The following DGKD variants were observed in gnomAD, a reference collection of about 807,000 sequenced individuals.
The protein encoded by DGKD is diacylglycerol kinase delta, also known as DAG kinase delta.
A neutral mutation model predicts 154.4 loss-of-function variants in DGKD; 68 were observed. The observed-to-expected ratio is 0.44, with a 90% CI of 0.36 to 0.54. DGKD has a LOEUF of 0.54. Among genes scored for constraint, DGKD ranks in the 20% least tolerant of loss-of-function variants. DGKD has a pLI of 0.00. For synonymous variants in DGKD, 693 were observed against 638.0 expected (o/e 1.09, Z -1.30); for missense variants, 1,343 against 1,593.6 (o/e 0.84, Z 2.68).
chr2:233,427,972 C>T (rs1232729082), intron 3 of DGKD, among the ~76,000 whole-genome samples: 1 of 152,192 alleles, frequency 6.6e-6, no homozygotes, highest in East Asian at 1.9e-4. Flanking sequence ...TGCTTTCTCG[C>T]CTGGGTCCTT....
At chr2:233,373,911 A>G (rs546550648) in intron 1 of DGKD, among the ~76,000 whole-genome samples, 1 of 152,344 alleles carries the variant, frequency 6.6e-6, no homozygotes, top group Non-Finnish European at 1.5e-5. Context: ...ATAGAATAAT[A>G]ATACACAAAG....
intron 3 of DGKD, among the ~76,000 whole-genome samples, chr2:233,421,450 A>G (rs980790907): frequency 2.6e-5 from 4 of 152,226 alleles, no homozygotes; most frequent in African/African-American, 9.6e-5. Flanking sequence ...CAATAAAGCA[A>G]CCAGAATGAT....
At chr2:233,428,545 C>T (rs995267842) in intron 3 of DGKD, among the ~76,000 whole-genome samples, 1 of 152,180 alleles carries the variant, frequency 6.6e-6, no homozygotes, top group African/African-American at 2.4e-5. Flanking sequence ...CAACTGGCAC[C>T]TCACAACAAC....
rs750914145 is a variant in DGKD at position 233,435,828 on chromosome 2, T to G, written c.597T>G (p.Phe199Leu). The change falls in exon 6 of 30, where the codon TTT becomes TTG. Residue 199 changes from phenylalanine to leucine, a missense_variant. By Grantham distance (22) the Phe-to-Leu change is conservative (BLOSUM62 0). Coordinates refer to ENST00000264057, the MANE Select transcript of DGKD (RefSeq NM_152879.3). Reference sequence around the variant, plus strand: ...CCCCTTCTCTCACAGTGTGCAAATTTAAGGCCCACAAGCGCTGTGCTGTGC... The same window carrying G: ...CCCCTTCTCTCACAGTGTGCAAATTGAAGGCCCACAAGCGCTGTGCTGTGC... ...SHGLSCEVCK[F>L]KAHKRCAVRA... 2 of 1,610,676 alleles carry G rather than the reference T, an allele frequency of 1.2e-6. No homozygotes were observed. The highest frequency in any genetic ancestry group is 8.5e-7 in the Non-Finnish European group (1 of 1,178,370).
At chr2:233,468,638 A>G in intron 29 of DGKD, 85 bp downstream of exon 29, 2 of 1,572,676 alleles carry the variant, frequency 1.3e-6, no homozygotes, top group Admixed American at 1.7e-5. Context: ...CGACCTGGCC[A>G]TGTCCCAGCA....
chr2:233,363,321 AT>A, intron 1 of DGKD, among the ~76,000 whole-genome samples: 1 of 152,320 alleles, frequency 6.6e-6, no homozygotes, highest in South Asian at 2.1e-4. Context: ...TTTAACAAAA[AT>A]ATTTAAGAAG....
intron 12 of DGKD, chr2:233,447,861 G>A: frequency 7.3e-7 from 1 of 1,373,676 alleles, no homozygotes; most frequent in South Asian, 1.6e-5. Context: ...TTTGCAGTTT[G>A]CCTGCAGCTT....
rs1029287958 is a variant in DGKD, at chr2:233,440,057, T to C, written c.1085+1678T>C. Among the ~76,000 whole-genome samples the C allele has an allele frequency of 2.6e-5, 4 of 152,086 alleles. No individual in the cohort carries two copies. The highest frequency in any genetic ancestry group is 4.8e-5 in the African/African-American group (2 of 41,400). ...AGCTGAACTCGAGAATAACGAAATA[T>C]TCATTTTGGTGTGCAAGCAAAACCC... On this transcript the variant is annotated intron_variant, in intron 9 of 29. Transcript: ENST00000264057. The surrounding 1 kb of genome is among the most constrained non-coding windows in gnomAD (Gnocchi z 4.9).
At position 233,470,082 on chromosome 2, in the gene DGKD, G is replaced by A. The variant is rs1456701500; in HGVS notation, c.*622G>A. 3 of 152,474 alleles carry A rather than the reference G, an allele frequency of 2.0e-5. No homozygotes were observed. The highest frequency in any genetic ancestry group is 6.5e-5 in the Admixed American group (1 of 15,290). The allele number at this position is 152,474 out of a possible 1,614,324, so 9.4% of individuals were successfully genotyped here. On this transcript the variant is annotated 3_prime_UTR_variant, in exon 30 of 30. Coordinates refer to ENST00000264057, the MANE Select transcript of DGKD (RefSeq NM_152879.3). ...TCCTCCTGCGTGAGCCAAGGCAGCG[G>A]GTGCTGTTTCCCAGGCGGGGAGCCC...
At chr2:233,384,237 C>T (rs2125426209) in intron 1 of DGKD, among the ~76,000 whole-genome samples, 1 of 152,312 alleles carries the variant, frequency 6.6e-6, no homozygotes, top group South Asian at 2.1e-4. Flanking sequence ...CCTTTATCCT[C>T]AGCTCAGTTC....
chr2:233,461,229 C>A (rs914939573), intron 24 of DGKD, among the ~76,000 whole-genome samples: 3 of 152,242 alleles, frequency 2.0e-5, no homozygotes, highest in South Asian at 4.1e-4. Context: ...GCATTCTCCC[C>A]CCGTGGCCGC....
intron 3 of DGKD, among the ~76,000 whole-genome samples, chr2:233,398,216 T>A (rs185243312): frequency 3.3e-5 from 5 of 150,548 alleles, no homozygotes; most frequent in African/African-American, 9.8e-5. Flanking sequence ...GATCTTGGCT[T>A]ACTGCAAGCT....
At chr2:233,460,435 T>A in intron 24 of DGKD, 90 bp downstream of exon 24, 1 of 1,495,446 alleles carries the variant, frequency 6.7e-7, no homozygotes, top group African/African-American at 1.4e-5. Context: ...GTGGAGCTGC[T>A]GCTCCTGACT....
At position 233,467,114 on chromosome 2, in the gene DGKD, G is replaced by A. The variant is rs1375997825; in HGVS notation, c.3335G>A (p.Ser1112Asn). Residue 1112 changes from serine to asparagine, a missense_variant, in exon 28 of 30, where the codon AGT becomes AAT. By Grantham distance (46) the Ser-to-Asn change is conservative. Around this residue, in one of 6 missense-constraint regions of DGKD, gnomAD observed 429 missense variants for 496.3 expected, o/e 0.86. Transcript: ENST00000264057. ...ESVMLDLAKR[S>N]RSGKFRLVTK... is the part of the protein sequence containing the mutation. ...GTGATGCTGGATCTTGCCAAGCGCA[G>A]TCGCAGTGGTAAATTCCGCCTCGTG... is the stretch of plus-strand genomic sequence containing the variant. 1 of 1,614,096 alleles carries A rather than the reference G, an allele frequency of 6.2e-7. No individual in the cohort carries two copies. Among genetic ancestry groups the A allele is most frequent in the East Asian group, 2.2e-5 (1 of 44,898 alleles).
chr2:233,406,838 A>G (rs2061698712), intron 3 of DGKD, among the ~76,000 whole-genome samples: 1 of 152,178 alleles, frequency 6.6e-6, no homozygotes, highest in Admixed American at 6.5e-5. Context: ...ATGTGCTCAT[A>G]CCGTATAGCT....
In DGKD at chr2:233,360,497, A is replaced by T. The variant is rs367774568; in HGVS notation, c.156+5823A>T. Among the ~76,000 whole-genome samples the T allele has an allele frequency of 2.3e-4, 35 of 152,052 alleles. No individual in the cohort carries two copies. In the South Asian group the frequency reaches 7.1e-3, roughly 31 times the overall value. On this transcript the variant is annotated intron_variant, in intron 1 of 29. Coordinates refer to ENST00000264057, the MANE Select transcript of DGKD (RefSeq NM_152879.3). ...GGTCTCAAACTCCTGGGCTCAAGCG[A>T]TCCTCCCCCTTTGGCTTCCCAAAGT...
In DGKD at chr2:233,445,538, G is replaced by C; in HGVS notation, c.1195-85G>C. The C allele has an allele frequency of 6.7e-7, 1 of 1,499,596 alleles. No homozygotes were observed. Among genetic ancestry groups the C allele is most frequent in the Non-Finnish European group, 8.9e-7 (1 of 1,121,144 alleles). 92.9% of individuals were successfully genotyped at this position (1,499,596 alleles called of 1,614,324 possible). ...CCCACATTGCTAACGTAACCCTCAC[G>C]GTGGGGGACAAGGAGGGCTGCGGGC... On this transcript the variant is annotated intron_variant, in intron 10 of 29. Transcript: ENST00000264057. This position sits in a 1 kb window ranked among gnomAD's most constrained non-coding sequence, Gnocchi z 5.5.
At chr2:233,448,612 C>T (rs2063162965) in intron 14 of DGKD, among the ~76,000 whole-genome samples, 1 of 152,226 alleles carries the variant, frequency 6.6e-6, no homozygotes, top group Non-Finnish European at 1.5e-5. Flanking sequence ...GCTCAAGGGT[C>T]CAGACACAGA....
intron 1 of DGKD, among the ~76,000 whole-genome samples, chr2:233,361,246 A>G (rs1701769176): frequency 6.6e-6 from 1 of 152,234 alleles, no homozygotes; most frequent in Non-Finnish European, 1.5e-5. Context: ...CGCAGGAGCC[A>G]GAAGTATTGG....
Sources: allele counts gnomAD v4.1 joint callset (sites outside exome capture counted in the v4.1 genomes callset), GRCh38; gene constraint gnomAD v4.1.1; regional missense constraint gnomAD v4.1.1; non-coding constraint Gnocchi (gnomAD v3.1); transcripts MANE v1.5; gene names NCBI Gene and HGNC (gene_info 2026-07-23, HGNC 2026-07-21).